PLCL1: variants seen among roughly 807,000 people sequenced by gnomAD.
PLCL1 encodes the protein inactive phospholipase C-like protein 1.
Under a neutral mutation model 84.4 loss-of-function variants are expected in PLCL1, and 41 were observed. That is an observed-to-expected ratio of 0.49 (90% confidence interval 0.38 to 0.63). PLCL1 has a LOEUF of 0.63. Ranked by LOEUF, PLCL1 falls within the 30% of genes least tolerant of loss-of-function variation. PLCL1 has a pLI of 0.00. For missense variants in PLCL1, 1,206 were observed against 1,367.8 expected, an observed-to-expected ratio of 0.88 and a Z score of 1.87; for synonymous variants, 490 against 488.3, an observed-to-expected ratio of 1.00 and a Z score of -0.05.
intron 5 of PLCL1, among the ~76,000 whole-genome samples, chr2:198,127,368 A>T (rs1214304663): frequency 1.3e-5 from 2 of 152,194 alleles, no homozygotes; most frequent in Admixed American, 6.5e-5. Context: ...TTTTCCAAAC[A>T]GTAAGTATAA....
rs550851645 is a variant in PLCL1, at chr2:198,108,420, A to G, written c.3105+4484A>G. Reference sequence around the variant, plus strand: ...TTCTAAAAATATTTAATTCCAGTGTAATTTCCAATAAGTAAGGAAGGAGCT... The same window carrying G: ...TTCTAAAAATATTTAATTCCAGTGTGATTTCCAATAAGTAAGGAAGGAGCT... On this transcript the variant is annotated intron_variant, in intron 5 of 5. Transcript: ENST00000428675. 2.6e-5 allele frequency among the ~76,000 whole-genome samples: 4 copies of G among 152,006 alleles called. No homozygotes were observed. The East Asian group carries it at 7.8e-4, about 30-fold the overall frequency.
At chr2:198,004,825 A>G (rs930706850) in intron 1 of PLCL1, among the ~76,000 whole-genome samples, 11 of 152,348 alleles carry the variant, frequency 7.2e-5, no homozygotes, top group African/African-American at 2.6e-4. Context: ...ATCTTTTTGT[A>G]TAAGAAGTAT....
intron 1 of PLCL1, among the ~76,000 whole-genome samples, chr2:197,880,348 A>C (rs1175758907): frequency 6.6e-6 from 1 of 152,124 alleles, no homozygotes. Flanking sequence ...AAATTTTTAG[A>C]AATATGTTTG....
At position 198,149,299 on chromosome 2, in the gene PLCL1, G is replaced by T. The variant is rs945318327; in HGVS notation, c.*2337G>T. The T allele has an allele frequency of 2.6e-5, 4 of 152,254 alleles. No homozygotes were observed. In the South Asian group the frequency reaches 8.3e-4, roughly 32 times the overall value. 9.4% of individuals were successfully genotyped at this position (152,254 alleles called of 1,614,324 possible). On this transcript the variant is annotated 3_prime_UTR_variant, in exon 6 of 6. Coordinates refer to ENST00000428675, the MANE Select transcript of PLCL1 (RefSeq NM_006226.4). ...CCCCCTTCTCTCTTCTATCTACTTA[G>T]ATTTGGTGATGCTAGGAATGTAGTG...
At chr2:197,929,935 T>A (rs180862501) in intron 1 of PLCL1, among the ~76,000 whole-genome samples, 4 of 152,334 alleles carry the variant, frequency 2.6e-5, no homozygotes, top group Admixed American at 6.5e-5. Flanking sequence ...TTACCTAAAG[T>A]TGTTCTTTTG....
At chr2:198,004,604 A>G (rs1456009542) in intron 1 of PLCL1, among the ~76,000 whole-genome samples, 1 of 152,238 alleles carries the variant, frequency 6.6e-6, no homozygotes, top group Non-Finnish European at 1.5e-5. Context: ...AGTATTGTTT[A>G]TAAAGTCTAG....
intron 1 of PLCL1, among the ~76,000 whole-genome samples, chr2:198,014,820 C>A (rs1209285725): frequency 6.6e-6 from 1 of 152,032 alleles, no homozygotes; most frequent in African/African-American, 2.4e-5. Flanking sequence ...GGTTTTTGAT[C>A]TCTAGGGGGT....
chr2:198,068,684 G>A (rs1692374448), intron 1 of PLCL1, among the ~76,000 whole-genome samples: 1 of 152,210 alleles, frequency 6.6e-6, no homozygotes, highest in Non-Finnish European at 1.5e-5. Flanking sequence ...CTAGAGATCA[G>A]TATGTGCTAG....
chr2:198,110,853 C>T (rs1316155534), intron 5 of PLCL1, among the ~76,000 whole-genome samples: 2 of 151,690 alleles, frequency 1.3e-5, no homozygotes, highest in Non-Finnish European at 2.9e-5. Flanking sequence ...CTGGCATCTG[C>T]CAGCTGTTGT....
intron 1 of PLCL1, among the ~76,000 whole-genome samples, chr2:197,912,829 A>T (rs1347941036): frequency 7.6e-6 from 1 of 131,506 alleles, no homozygotes; most frequent in Non-Finnish European, 1.6e-5. Flanking sequence ...GAGGGATAGC[A>T]TTGGGAGATA....
chr2:198,032,645 C>T (rs1054056462), intron 1 of PLCL1, among the ~76,000 whole-genome samples: 1 of 151,900 alleles, frequency 6.6e-6, no homozygotes, highest in Non-Finnish European at 1.5e-5. Context: ...GTGCTAGAAT[C>T]TTATATCACA....
chr2:197,856,056 C>G (rs1045935743), intron 1 of PLCL1, among the ~76,000 whole-genome samples: 1 of 152,180 alleles, frequency 6.6e-6, no homozygotes, highest in Non-Finnish European at 1.5e-5. Flanking sequence ...ACTGCATAAG[C>G]TTTACTTTCT....
intron 1 of PLCL1, among the ~76,000 whole-genome samples, chr2:197,935,588 A>G (rs931548345): frequency 1.6e-4 from 24 of 152,314 alleles, no homozygotes; most frequent in Non-Finnish European, 2.5e-4. Context: ...ACAAAGGGGA[A>G]CAACAGACAC....
chr2:197,916,676 T>C (rs1208764797), intron 1 of PLCL1, among the ~76,000 whole-genome samples: 1 of 151,682 alleles, frequency 6.6e-6, no homozygotes, highest in East Asian at 1.9e-4. Context: ...CCAATTCAAA[T>C]TGCATACCAG....
At chr2:198,097,213 A>T (rs1042835344) in intron 3 of PLCL1, among the ~76,000 whole-genome samples, 1 of 152,098 alleles carries the variant, frequency 6.6e-6, no homozygotes, top group African/African-American at 2.4e-5. Context: ...GGGTATGGAA[A>T]CTTCCTTCAC....
chr2:198,133,621 G>A (rs1159550220), intron 5 of PLCL1, among the ~76,000 whole-genome samples: 1 of 151,108 alleles, frequency 6.6e-6, no homozygotes, highest in Non-Finnish European at 1.5e-5. Context: ...GAAATGTTTT[G>A]ACAAGTGCAT....
chr2:198,088,498 T>C (rs1395398356), intron 2 of PLCL1, among the ~76,000 whole-genome samples: 1 of 152,202 alleles, frequency 6.6e-6, no homozygotes, highest in Non-Finnish European at 1.5e-5. Flanking sequence ...AGCAGTAGCA[T>C]CCTGCTACCT....
At chr2:197,887,095 C>G (rs1218863635) in intron 1 of PLCL1, among the ~76,000 whole-genome samples, 1 of 152,154 alleles carries the variant, frequency 6.6e-6, no homozygotes, top group Non-Finnish European at 1.5e-5. Context: ...GTTCCATTCT[C>G]TAAAGGGGAA....
chr2:197,877,131 A>G (rs1227468181), intron 1 of PLCL1, among the ~76,000 whole-genome samples: 1 of 152,184 alleles, frequency 6.6e-6, no homozygotes, highest in East Asian at 1.9e-4. Context: ...CAAAACCTTT[A>G]TGTGGAAACG....
Sources: gnomAD v4.1 joint callset for allele counts (sites outside exome capture counted in the v4.1 genomes callset) on GRCh38, gnomAD v4.1.1 for gene constraint, MANE v1.5 for transcripts, NCBI Gene and HGNC (gene_info 2026-07-23, HGNC 2026-07-21) for gene names.